The following DAB2IP variants were observed in gnomAD, a reference collection of about 807,000 sequenced individuals.
DAB2IP encodes the protein disabled homolog 2-interacting protein.
Under a neutral mutation model 107.2 loss-of-function variants are expected in DAB2IP, and 28 were observed. The ratio of observed to expected loss-of-function variants is 0.26; its 90% CI spans 0.19 to 0.36. The LOEUF (loss-of-function observed/expected upper bound fraction) is 0.36. Among genes scored for constraint, DAB2IP ranks in the 10% least tolerant of loss-of-function variants. The pLI is 1.00. For missense variants in DAB2IP, 1,400 were observed against 1,644.7 expected, an observed-to-expected ratio of 0.85 and a Z score of 2.57; for synonymous variants, 755 against 706.4, an observed-to-expected ratio of 1.07 and a Z score of -1.09.
At chr9:121,732,797 T>C (rs145866612) in intron 3 of DAB2IP, among the ~76,000 whole-genome samples, 34 of 152,320 alleles carry the variant, frequency 2.2e-4, no homozygotes, top group Admixed American at 2.0e-3. Context: ...TCTGTGCTTC[T>C]GCTTCATTTT....
chr9:121,746,676 G>A (rs1158529101), intron 3 of DAB2IP, among the ~76,000 whole-genome samples: 2 of 152,228 alleles, frequency 1.3e-5, no homozygotes, highest in East Asian at 3.8e-4. Context: ...GGCCCAGCAT[G>A]AGCTAAGGAG....
intron 1 of DAB2IP, among the ~76,000 whole-genome samples, chr9:121,661,775 A>T (rs769775117): frequency 5.3e-5 from 8 of 152,202 alleles, no homozygotes; most frequent in Non-Finnish European, 8.8e-5. Flanking sequence ...TTGAGGCCAG[A>T]AGCTTGAGAC....
chr9:121,612,599 G>A (rs1274010563), intron 1 of DAB2IP, among the ~76,000 whole-genome samples: 5 of 152,266 alleles, frequency 3.3e-5, no homozygotes, highest in Admixed American at 6.5e-5. Flanking sequence ...GGGGCAGGGC[G>A]GAACTCCAAC....
chr9:121,685,645 C>T (rs1171493900), intron 2 of DAB2IP, among the ~76,000 whole-genome samples: 1 of 152,256 alleles, frequency 6.6e-6, no homozygotes, highest in Non-Finnish European at 1.5e-5. Context: ...TTCTTCTCTC[C>T]TTTTGCCTTT....
At chr9:121,783,715 CGGCCCCCGGCCA>C in exon 16 of DAB2IP, 1 of 915,298 alleles carries the variant, frequency 1.1e-6, no homozygotes, top group Non-Finnish European at 1.7e-6. Flanking sequence ...TCACCCTTCC[CGGCCCCCGGCCA>C]AGGACCCAGG....
rs1459821899 is a variant in DAB2IP, at chr9:121,776,781, G to A, written c.3314+390G>A. Among the ~76,000 whole-genome samples the A allele has an allele frequency of 2.6e-5, 4 of 152,120 alleles. No individual in the cohort carries two copies. Among genetic ancestry groups the A allele is most frequent in the Admixed American group, 6.5e-5 (1 of 15,282 alleles). On this transcript the variant is annotated intron_variant, in intron 14 of 15. Coordinates refer to ENST00000408936, the Ensembl canonical transcript of DAB2IP. The surrounding 1 kb of genome is among the most constrained non-coding windows in gnomAD (Gnocchi z 5.4). ...AAAAGTGGGAATGAGTCTCAGTTAC[G>A]TATAGTAGATGAAGGTGGAAGACAC...
At chr9:121,653,218 GTA>G (rs1832828326) in intron 1 of DAB2IP, among the ~76,000 whole-genome samples, 1 of 130,598 alleles carries the variant, frequency 7.7e-6, no homozygotes, top group Non-Finnish European at 1.7e-5. Flanking sequence ...CTTGGAGGGA[GTA>G]CTAAGCCTTT....
chr9:121,751,296 G>A (rs540979435), intron 3 of DAB2IP: 2 of 156,232 alleles, frequency 1.3e-5, no homozygotes, highest in African/African-American at 4.8e-5. Flanking sequence ...CATCTGACTC[G>A]GCCACTTGCT....
chr9:121,726,923 G>C (rs944300392), intron 3 of DAB2IP, among the ~76,000 whole-genome samples: 1 of 152,224 alleles, frequency 6.6e-6, no homozygotes, highest in Non-Finnish European at 1.5e-5. Context: ...GCCAAGGCCA[G>C]CTGAGCTCAG....
upstream of DAB2IP, among the ~76,000 whole-genome samples, chr9:121,649,862 G>C (rs1021549253): frequency 6.6e-6 from 1 of 152,236 alleles, no homozygotes; most frequent in Non-Finnish European, 1.5e-5. Context: ...CACCATGTCT[G>C]CTGTTGAAAG....
chr9:121,756,284 G>T (rs551068858), intron 3 of DAB2IP, among the ~76,000 whole-genome samples: 35 of 152,204 alleles, frequency 2.3e-4, no homozygotes, highest in Non-Finnish European at 4.6e-4. Context: ...GGAGCAGCGG[G>T]CCCAGGTCTG....
chr9:121,752,642 G>T (rs1366912824), intron 3 of DAB2IP, among the ~76,000 whole-genome samples: 1 of 152,232 alleles, frequency 6.6e-6, no homozygotes, highest in East Asian at 1.9e-4. Context: ...GGATGGAGGG[G>T]CCCAGCAGGC....
chr9:121,733,311 G>A (rs777343027), intron 3 of DAB2IP, among the ~76,000 whole-genome samples: 1 of 152,216 alleles, frequency 6.6e-6, no homozygotes, highest in Non-Finnish European at 1.5e-5. Context: ...TCCTCTCCCA[G>A]GATGCATGCA....
At chr9:121,703,361 C>A (rs559803668) in intron 3 of DAB2IP, among the ~76,000 whole-genome samples, 1 of 152,286 alleles carries the variant, frequency 6.6e-6, no homozygotes, top group African/African-American at 2.4e-5. Context: ...CCCTTGTTCC[C>A]TCCCCTACTA....
At chr9:121,630,285 G>A (rs957448123) in intron 1 of DAB2IP, among the ~76,000 whole-genome samples, 3 of 152,118 alleles carry the variant, frequency 2.0e-5, no homozygotes, top group African/African-American at 7.2e-5. Flanking sequence ...AAATATTTCG[G>A]GAGGTGGAGG....
intron 2 of DAB2IP, among the ~76,000 whole-genome samples, chr9:121,694,855 C>T (rs1000057114): frequency 3.3e-5 from 5 of 152,048 alleles, no homozygotes; most frequent in African/African-American, 4.8e-5. Flanking sequence ...AGGCAGCAGC[C>T]TTGTGCAGCA....
At chr9:121,673,404 A>G (rs1245382048) in intron 1 of DAB2IP, among the ~76,000 whole-genome samples, 2 of 152,166 alleles carry the variant, frequency 1.3e-5, no homozygotes, top group Non-Finnish European at 2.9e-5. Flanking sequence ...CTCACTATAG[A>G]GCTGCCCAGG....
chr9:121,711,585 T>C (rs568410334), intron 3 of DAB2IP, among the ~76,000 whole-genome samples: 1 of 152,248 alleles, frequency 6.6e-6, no homozygotes, highest in African/African-American at 2.4e-5. Flanking sequence ...TGAGGTGTTA[T>C]GTCTCCTCAG....
intron 1 of DAB2IP, among the ~76,000 whole-genome samples, chr9:121,598,848 T>C (rs1223398192): frequency 6.6e-6 from 1 of 152,254 alleles, no homozygotes; most frequent in Non-Finnish European, 1.5e-5. Context: ...TTCGCCCCGC[T>C]CTGGCCTCAG....
Sources: gnomAD v4.1 joint callset for allele counts (sites outside exome capture counted in the v4.1 genomes callset) on GRCh38, gnomAD v4.1.1 for gene constraint, Gnocchi (gnomAD v3.1) non-coding constraint, MANE v1.5 for transcripts, NCBI Gene and HGNC (gene_info 2026-07-23, HGNC 2026-07-21) for gene names.